The following ABCC11 variants were observed in gnomAD, a reference collection of about 807,000 sequenced individuals.
ABCC11 encodes the protein ATP-binding cassette sub-family C member 11.
ABCC11 carries 135 observed loss-of-function variants against 149.3 expected under a neutral mutation model. The observed-to-expected ratio is 0.90, with a 90% CI of 0.79 to 1.04. The LOEUF (loss-of-function observed/expected upper bound fraction) is 1.04. ABCC11 is among the 50% of genes least tolerant of loss of function. ABCC11 has a pLI of 0.00. For missense variants in ABCC11, 1,680 were observed against 1,722.1 expected, an observed-to-expected ratio of 0.98 and a Z score of 0.43; for synonymous variants, 665 against 671.4, an observed-to-expected ratio of 0.99 and a Z score of 0.15.
At chr16:48,228,113 C>T in intron 3 of ABCC11, 149 bp from the exon 4 acceptor site, 2 of 750,236 alleles carry the variant, frequency 2.7e-6, no homozygotes, top group Non-Finnish European at 4.1e-6. Flanking sequence ...AAATCATAAA[C>T]AACAAAAGTG....
At chr16:48,174,857 G>A (rs1457290247) in intron 26 of ABCC11, among the ~76,000 whole-genome samples, 2 of 152,116 alleles carry the variant, frequency 1.3e-5, no homozygotes, top group African/African-American at 4.8e-5. Context: ...TCAGGGTCTT[G>A]TTGTGTTGCC....
At chr16:48,230,940 A>G (rs901834586) in intron 2 of ABCC11, among the ~76,000 whole-genome samples, 4 of 152,204 alleles carry the variant, frequency 2.6e-5, no homozygotes, top group African/African-American at 9.6e-5. Context: ...AGCAAATCCT[A>G]AAATATTATA....
In ABCC11 at chr16:48,200,567, C is replaced by T. The variant is rs948469610; in HGVS notation, c.1879-88G>A. The stretch of plus-strand genomic sequence containing the variant: ...GGGTAGGCAGATGTAGCAGACAGAA[C>T]CCCCTCAGTACAGACCAAGATATGC... On this transcript the variant is annotated intron_variant, in intron 14 of 29. Transcript: ENST00000356608. 8 of 1,389,794 alleles carry T rather than the reference C, an allele frequency of 5.8e-6. No homozygotes were observed. In the African/African-American group the frequency reaches 9.9e-5, roughly 17 times the overall value. 86.1% of individuals were successfully genotyped at this position (1,389,794 alleles called of 1,614,324 possible). A position where few individuals can be genotyped will look rare whatever the true frequency, so the allele number is the denominator to read the frequency against.
At position 48,205,453 on chromosome 16, in the gene ABCC11, T is replaced by C. The variant is rs1028645342; in HGVS notation, c.1765A>G (p.Arg589Gly). 1.2e-6 allele frequency: 2 copies of C among 1,614,050 alleles called. No homozygotes were observed. The highest frequency in any genetic ancestry group is 2.7e-5 in the African/African-American group (2 of 74,908). Reference sequence around the variant, plus strand: ...GCGCCTCCCATGAGGATGTTCTCCCTGATGTTCCCGCTGACGATCCAGGCC... The same window carrying C: ...GCGCCTCCCATGAGGATGTTCTCCCCGATGTTCCCGCTGACGATCCAGGCC... ...QQAWIVSGNI[R>G]ENILMGGAYD... The change falls in exon 13 of 30, where the codon AGG (arginine) becomes GGG (glycine). Residue 589 changes from arginine (R) to glycine (G), a missense_variant. Physicochemically the swap from Arg to Gly is moderately radical, Grantham distance 125 (BLOSUM62 -2). Coordinates refer to ENST00000356608, the MANE Select transcript of ABCC11 (RefSeq NM_001370497.1).
chr16:48,216,214 G>T lies in ABCC11; in HGVS notation c.851C>A (p.Thr284Asn), dbSNP rs1439424893. The change falls in exon 7 of 30, where the codon ACC (threonine) becomes AAC (asparagine). Residue 284 changes from threonine to asparagine, a missense_variant. By Grantham distance (65) the Thr-to-Asn change is moderately conservative. Transcript: ENST00000356608. Reference protein sequence around the residue: ...GVCYGPLVLITCASLVICSIS... With the variant: ...GVCYGPLVLINCASLVICSIS... Reference sequence around the variant, plus strand: ...GCTGCAGATGACCAGCGATGCGCAGGTGATCAGTACTAGGGGTCCATAGCA... The same window carrying T: ...GCTGCAGATGACCAGCGATGCGCAGTTGATCAGTACTAGGGGTCCATAGCA... The T allele has an allele frequency of 6.2e-7, 1 of 1,614,168 alleles. No homozygotes were observed. The highest frequency in any genetic ancestry group is 1.7e-5 in the Admixed American group (1 of 60,032).
At chr16:48,208,357 G>T (rs969406351) in intron 12 of ABCC11, 68 bp downstream of exon 12, 54 of 1,591,512 alleles carry the variant, frequency 3.4e-5, no homozygotes, top group Admixed American at 6.8e-5. Flanking sequence ...GCCCCGCCTG[G>T]GGCACTGGAG....
At position 48,192,631 on chromosome 16, in the gene ABCC11, C is replaced by T. The variant is rs1006058502; in HGVS notation, c.2595G>A (p.Val865=). The change falls in exon 20 of 30, where the codon GTG becomes GTA. Residue 865 remains valine (V), a synonymous_variant. Coordinates refer to ENST00000356608, the MANE Select transcript of ABCC11 (RefSeq NM_001370497.1). ...DNPQLSFYQL[V]YGLNALLLIC... ...TGAGGAGCAGGGCGTTGAGCCCGTA[C>T]ACCAGCTGGTAGAAGGACAGTTGAG... 3.8e-5 allele frequency: 61 copies of T among 1,614,088 alleles called. No homozygotes were observed. Among genetic ancestry groups the T allele is most frequent in the Non-Finnish European group, 4.7e-5 (56 of 1,180,046 alleles).
downstream of ABCC11, chr16:48,165,584 A>G (rs1398781013): frequency 2.0e-5 from 3 of 152,336 alleles, no homozygotes; most frequent in Non-Finnish European, 4.4e-5. Context: ...GCCTCCAGGA[A>G]GTCCCCGGGG....
chr16:48,210,769 C>T, intron 11 of ABCC11, 179 bp downstream of exon 11: 3 of 911,542 alleles, frequency 3.3e-6, no homozygotes, highest in South Asian at 3.9e-5. Flanking sequence ...GATTAATTCA[C>T]ATTAAAAAAT....
chr16:48,173,478 T>C (rs1965843653), intron 26 of ABCC11, among the ~76,000 whole-genome samples: 1 of 152,236 alleles, frequency 6.6e-6, no homozygotes, highest in Non-Finnish European at 1.5e-5. Flanking sequence ...TTGGCACATA[T>C]AAATGCTCAA....
At chr16:48,175,196 G>T (rs192102951) in intron 26 of ABCC11, 62 bp downstream of exon 26, 2 of 1,562,766 alleles carry the variant, frequency 1.3e-6, no homozygotes, top group East Asian at 4.6e-5. Flanking sequence ...TAGGCAGCCC[G>T]GTGCTGGAAT....
intron 10 of ABCC11, 63 bp downstream of exon 10, chr16:48,213,380 T>A: frequency 6.9e-7 from 1 of 1,439,794 alleles, no homozygotes; most frequent in Non-Finnish European, 9.7e-7. Context: ...AGGAACATCA[T>A]GGGGGCTGAA....
chr16:48,243,432 A>G (rs946781211), intron 1 of ABCC11, among the ~76,000 whole-genome samples: 1 of 150,048 alleles, frequency 6.7e-6, no homozygotes, highest in Non-Finnish European at 1.5e-5. Flanking sequence ...AAAATTGAGG[A>G]CTTGCCACAG....
chr16:48,221,683 T>A (rs929518377), intron 6 of ABCC11, among the ~76,000 whole-genome samples: 10 of 152,166 alleles, frequency 6.6e-5, no homozygotes, highest in African/African-American at 2.4e-4. Context: ...CAGGGGCCTA[T>A]CCCCAGGGTC....
chr16:48,213,582 C>A, intron 9 of ABCC11, 32 bp from the exon 10 acceptor site: 1 of 1,558,976 alleles, frequency 6.4e-7, no homozygotes, highest in South Asian at 1.2e-5. Flanking sequence ...TGGTGAGGGT[C>A]GTGGCCCTTC....
At chr16:48,245,814 C>T (rs1971344319) in intron 1 of ABCC11, among the ~76,000 whole-genome samples, 1 of 152,038 alleles carries the variant, frequency 6.6e-6, no homozygotes, top group African/African-American at 2.4e-5. Context: ...ATGTGGTCCA[C>T]ATTATATTTT....
Position 48,177,009 on chromosome 16 carries a change from T to G in ABCC11, c.3453A>C (p.Arg1151Ser). Reference sequence around the variant, plus strand: ...CGTGAAGCACGGTGGGTGTGTTGTCTCTGTATTTCATGTGATAATCCTGAA... The same window carrying G: ...CGTGAAGCACGGTGGGTGTGTTGTCGCTGTATTTCATGTGATAATCCTGAA... ...IIFQDYHMKYRDNTPTVLHGI... is the reference protein window; with the variant it reads ...IIFQDYHMKYSDNTPTVLHGI... The change falls in exon 25 of 30, where the codon AGA (arginine) becomes AGC (serine). Residue 1151 changes from arginine (R) to serine (S), a missense_variant. Coordinates refer to ENST00000356608, the MANE Select transcript of ABCC11 (RefSeq NM_001370497.1). 1 of 1,614,180 alleles carries G rather than the reference T, an allele frequency of 6.2e-7. No individual in the cohort carries two copies. The highest frequency in any genetic ancestry group is 8.5e-7 in the Non-Finnish European group (1 of 1,180,020).
At chr16:48,186,755 T>C (rs1966768507) in intron 22 of ABCC11, among the ~76,000 whole-genome samples, 198 bp downstream of exon 22, 1 of 152,258 alleles carries the variant, frequency 6.6e-6, no homozygotes, top group South Asian at 2.1e-4. Flanking sequence ...CAAACATTTT[T>C]CCTATCATTT....
At chr16:48,201,197 C>T (rs1967940232) in intron 14 of ABCC11, among the ~76,000 whole-genome samples, 1 of 152,184 alleles carries the variant, frequency 6.6e-6, no homozygotes, top group South Asian at 2.1e-4. Flanking sequence ...AGGAGGCAAA[C>T]ATTAAACTAT....
Sources: gnomAD v4.1 joint callset for allele counts (sites outside exome capture counted in the v4.1 genomes callset) on GRCh38, gnomAD v4.1.1 for gene constraint, MANE v1.5 for transcripts, NCBI Gene and HGNC (gene_info 2026-07-23, HGNC 2026-07-21) for gene names.